Variants in P2RY8 observed in about 807,000 individuals in gnomAD.
The protein encoded by P2RY8 is S-geranylgeranyl-glutathione receptor P2RY8.
A neutral mutation model predicts 10.0 loss-of-function variants in P2RY8; 6 were observed. That is an observed-to-expected ratio of 0.60 (90% CI 0.33 to 1.19). The LOEUF (loss-of-function observed/expected upper bound fraction) is 1.19. Ranked by LOEUF, P2RY8 falls within the 50% of genes most tolerant of loss-of-function variation. P2RY8 has a pLI of 0.04. For missense variants in P2RY8, 456 were observed against 542.0 expected (o/e 0.84, Z 1.58); for synonymous variants, 276 against 252.5 (o/e 1.09, Z -0.88).
At chrX:1,529,409 G>C (rs772685696) in intron 1 of P2RY8, among the ~76,000 whole-genome samples, 1 of 152,192 alleles carries the variant, frequency 6.6e-6, no homozygotes, top group African/African-American at 2.4e-5. Flanking sequence ...TATCTTGCCT[G>C]CCTCTCACCC....
chrX:1,463,965 C>G lies in P2RY8; in HGVS notation c.*1514G>C, dbSNP rs188568499. 2 of 233,252 alleles carry G rather than the reference C, an allele frequency of 8.6e-6. No homozygotes were observed. Among genetic ancestry groups the G allele is most frequent in the African/African-American group, 4.4e-5 (2 of 45,456 alleles). 14.4% of individuals were successfully genotyped at this position (233,252 alleles called of 1,614,324 possible). A position where few individuals can be genotyped will look rare whatever the true frequency, so the allele number is the denominator to read the frequency against. ...CCCATCCTGATGTTCCAGGTGGACA[C>G]GGGTTTGGGAATGATAATTCATTAC... On this transcript the variant is annotated 3_prime_UTR_variant, in exon 2 of 2. Coordinates refer to ENST00000381297, the MANE Select transcript of P2RY8 (RefSeq NM_178129.5).
Position 1,521,034 on chromosome X carries a change from CTT to C in P2RY8, c.-25+15885_-25+15886del, listed in dbSNP as rs1163534557. ...CAATATCCTCTCTGATTTTTCTTTT[CTT>C]TTTTTTTTTTTTTTTTTGAGACAGA... On this transcript the variant is annotated intron_variant, in intron 1 of 1. Coordinates refer to ENST00000381297, the MANE Select transcript of P2RY8 (RefSeq NM_178129.5). Among the ~76,000 whole-genome samples, 528 of 61,046 alleles carry C rather than the reference CTT, an allele frequency of 8.6e-3. 4 individuals are homozygous for C. The East Asian group carries it at 0.1, about 12-fold the overall frequency. The allele number at this position is 61,046 out of a possible 152,430, so 40.0% of individuals were successfully genotyped here. A position where few individuals can be genotyped will look rare whatever the true frequency, so the allele number is the denominator to read the frequency against.
intron 1 of P2RY8, among the ~76,000 whole-genome samples, chrX:1,509,751 G>GTATCTATGTATCTATCTATGTA (rs1481742595): frequency 1.3e-5 from 1 of 78,298 alleles, no homozygotes; most frequent in African/African-American, 5.9e-5. Flanking sequence ...GTATCTATCT[G>GTATCTATGTATCTATCTATGTA]TCTATCTATC....
chrX:1,528,737 T>C (rs2092455013), intron 1 of P2RY8, among the ~76,000 whole-genome samples: 1 of 151,984 alleles, frequency 6.6e-6, no homozygotes, highest in South Asian at 2.1e-4. Flanking sequence ...TGAATTCGTG[T>C]AGGTTTGAGT....
chrX:1,505,644 G>A (rs6645263), intron 1 of P2RY8, among the ~76,000 whole-genome samples: 36,315 of 151,986 alleles, frequency 0.24, 5,711 homozygotes, highest in East Asian at 0.7. Context: ...ATAAAACTTA[G>A]CTGGGTGTGG....
Position 1,465,243 on chromosome X carries a change from G to T in P2RY8, c.*236C>A. 1 of 630,354 alleles carries T rather than the reference G, an allele frequency of 1.6e-6. No individual in the cohort carries two copies. Among genetic ancestry groups the T allele is most frequent in the Non-Finnish European group, 2.6e-6 (1 of 378,234 alleles). The allele number at this position is 630,354 out of a possible 1,614,324, so 39.0% of individuals were successfully genotyped here. A position where few individuals can be genotyped will look rare whatever the true frequency, so the allele number is the denominator to read the frequency against. On this transcript the variant is annotated 3_prime_UTR_variant, in exon 2 of 2. Transcript: ENST00000381297. Reference sequence around the variant, plus strand: ...CCCTCTGCAGGATAACAAGCACCCTGTGCGCTGCTGGGCTTTGCTTGTTTC... The same window carrying T: ...CCCTCTGCAGGATAACAAGCACCCTTTGCGCTGCTGGGCTTTGCTTGTTTC...
At chrX:1,492,364 T>A (rs1331153695) in intron 1 of P2RY8, among the ~76,000 whole-genome samples, 2 of 152,118 alleles carry the variant, frequency 1.3e-5, no homozygotes, top group African/African-American at 4.8e-5. Context: ...AGGTGTAACT[T>A]GTGGGTGCCA....
intron 1 of P2RY8, among the ~76,000 whole-genome samples, chrX:1,475,916 T>C: frequency 6.6e-6 from 1 of 152,284 alleles, no homozygotes; most frequent in South Asian, 2.1e-4. Context: ...AATGGCTGCA[T>C]AGGACCCTCT....
intron 1 of P2RY8, among the ~76,000 whole-genome samples, chrX:1,493,038 C>A (rs1304653245): frequency 6.6e-6 from 1 of 151,420 alleles, no homozygotes; most frequent in Non-Finnish European, 1.5e-5. Context: ...TCAGGCCAGG[C>A]GCACTTTGGG....
intron 1 of P2RY8, among the ~76,000 whole-genome samples, chrX:1,477,448 T>A (rs6644958): frequency 0.53 from 80,527 of 151,924 alleles, 21,573 homozygotes; most frequent in South Asian, 0.65. Context: ...TTTCTATGGA[T>A]CTTTCATCTA....
At chrX:1,524,890 T>TATCCATCC (rs567762716) in intron 1 of P2RY8, among the ~76,000 whole-genome samples, 6,422 of 110,818 alleles carry the variant, frequency 0.058, 357 homozygotes, top group African/African-American at 0.12. Flanking sequence ...TCCATCCATC[T>TATCCATCC]ATCCATCCAT....
chrX:1,532,240 A>G (rs1215703380), intron 1 of P2RY8, among the ~76,000 whole-genome samples: 1 of 151,910 alleles, frequency 6.6e-6, no homozygotes, highest in Non-Finnish European at 1.5e-5. Flanking sequence ...TGGTGTATTT[A>G]TATATATAAA....
At chrX:1,466,821 C>G (rs747079193) in intron 1 of P2RY8, among the ~76,000 whole-genome samples, 101 of 150,922 alleles carry the variant, frequency 6.7e-4, no homozygotes, top group African/African-American at 2.4e-3. Flanking sequence ...TGTCTTCTCC[C>G]CTTTCTTCTT....
intron 1 of P2RY8, among the ~76,000 whole-genome samples, chrX:1,512,002 T>C (rs1308144618): frequency 7.9e-5 from 12 of 152,278 alleles, no homozygotes; most frequent in African/African-American, 2.6e-4. Context: ...TCTGCCTTTT[T>C]TTCCTAGCTC....
At position 1,514,723 on chromosome X, in the gene P2RY8, C is replaced by T. The variant is rs1370613051; in HGVS notation, c.-25+22198G>A. On this transcript the variant is annotated intron_variant, in intron 1 of 1. Coordinates refer to ENST00000381297, the MANE Select transcript of P2RY8 (RefSeq NM_178129.5). ...CCCTTCCTTCCCTTCCTTCCCTTCC[C>T]TTCCCTTCCTTCCCTTCCTTCCCTT... Among the ~76,000 whole-genome samples the T allele has an allele frequency of 1.9e-3, 3 of 1,618 alleles. 1 individual carries two copies. In the Non-Finnish European group the frequency reaches 0.029, roughly 16 times the overall value. 1.1% of individuals were successfully genotyped at this position (1,618 alleles called of 152,430 possible).
At position 1,535,720 on chromosome X, in the gene P2RY8, C is replaced by G. The variant is rs867712115; in HGVS notation, c.-25+1201G>C. ...ACACACACACACACACACACAGACA[C>G]ACACACAGACACACACACACACACA... On this transcript the variant is annotated intron_variant, in intron 1 of 1. Transcript: ENST00000381297. Among the ~76,000 whole-genome samples the G allele has an allele frequency of 8.1e-3, 478 of 58,742 alleles. 1 individual carries two copies. The highest frequency in any genetic ancestry group is 0.021 in the African/African-American group (445 of 21,088). 38.5% of individuals were successfully genotyped at this position (58,742 alleles called of 152,430 possible).
At chrX:1,504,247 C>T (rs1266625125) in intron 1 of P2RY8, among the ~76,000 whole-genome samples, 2 of 150,714 alleles carry the variant, frequency 1.3e-5, no homozygotes, top group Non-Finnish European at 2.9e-5. Flanking sequence ...ACCCGGGAGG[C>T]GGAGGTTGCG....
At chrX:1,475,130 G>A (rs1350080802) in intron 1 of P2RY8, among the ~76,000 whole-genome samples, 43 of 151,134 alleles carry the variant, frequency 2.8e-4, no homozygotes, top group African/African-American at 1.0e-3. Flanking sequence ...TGGGTGGATG[G>A]ATGGATCAGT....
At chrX:1,520,343 C>A (rs1459431045) in intron 1 of P2RY8, among the ~76,000 whole-genome samples, 2 of 151,184 alleles carry the variant, frequency 1.3e-5, no homozygotes, top group African/African-American at 4.9e-5. Flanking sequence ...TCTTCTTAAC[C>A]CCAATAATGT....
Sources: allele counts gnomAD v4.1 joint callset (sites outside exome capture counted in the v4.1 genomes callset), GRCh38; gene constraint gnomAD v4.1.1; transcripts MANE v1.5; gene names NCBI Gene and HGNC (gene_info 2026-07-23, HGNC 2026-07-21).